The following USP34 variants were observed in gnomAD, a reference collection of about 807,000 sequenced individuals.
USP34 encodes the protein ubiquitin specific peptidase 34, also known as ubiquitin carboxyl-terminal hydrolase 34.
A neutral mutation model predicts 460.3 loss-of-function variants in USP34; 70 were observed. That is an observed-to-expected ratio of 0.15 (90% CI 0.13 to 0.19). USP34 has a LOEUF of 0.19. Ranked by LOEUF, USP34 falls within the 10% of genes least tolerant of loss-of-function variation. USP34 has a pLI of 1.00. For synonymous variants in USP34, 1,647 were observed against 1,405.3 expected (o/e 1.17, Z -3.85); for missense variants, 3,985 against 4,236.2 (o/e 0.94, Z 1.65).
intron 19 of USP34, among the ~76,000 whole-genome samples, chr2:61,333,132 G>A (rs1033505648): frequency 1.3e-5 from 2 of 151,998 alleles, no homozygotes; most frequent in African/African-American, 4.8e-5. Flanking sequence ...TGTATTGTTT[G>A]TGGTAGACAA....
chr2:61,429,280 T>C (rs967114232), intron 1 of USP34, among the ~76,000 whole-genome samples: 1 of 151,936 alleles, frequency 6.6e-6, no homozygotes, highest in Non-Finnish European at 1.5e-5. Context: ...ACCCCGTCTC[T>C]ACTAAAAATA....
In USP34 at chr2:61,284,953, A is replaced by T; in HGVS notation, c.4754T>A (p.Phe1585Tyr). 6.2e-7 allele frequency: 1 copy of T among 1,607,932 alleles called. No individual in the cohort carries two copies. The highest frequency in any genetic ancestry group is 8.5e-7 in the Non-Finnish European group (1 of 1,177,454). The change falls in exon 35 of 80, where the codon TTT (phenylalanine) becomes TAT (tyrosine). Residue 1585 changes from phenylalanine (F) to tyrosine (Y), a missense_variant. Around this residue, in one of 14 missense-constraint regions of USP34, gnomAD observed 1,114 missense variants for 1,122.5 expected, o/e 0.99. Transcript: ENST00000398571. The stretch of plus-strand genomic sequence containing the variant: ...ACTGGTTCCTTGGACAAGAACAAGA[A>T]ATACCTTTAAAACAAAAACATTTTA... ...GLHIPRLTEV[F>Y]LVLVQGTSLI...
intron 1 of USP34, among the ~76,000 whole-genome samples, chr2:61,434,095 A>C (rs958605599): frequency 2.6e-5 from 4 of 152,206 alleles, no homozygotes; most frequent in Admixed American, 1.3e-4. Context: ...CGCAAGCCAA[A>C]GAGCATGTGA....
chr2:61,428,061 A>G (rs1694561866), intron 1 of USP34, among the ~76,000 whole-genome samples: 1 of 150,866 alleles, frequency 6.6e-6, no homozygotes, highest in African/African-American at 2.4e-5. Flanking sequence ...GCTACTTGGG[A>G]GGCTGAGGCA....
At chr2:61,421,172 T>G (rs1694343232) in intron 1 of USP34, among the ~76,000 whole-genome samples, 1 of 152,176 alleles carries the variant, frequency 6.6e-6, no homozygotes, top group South Asian at 2.1e-4. Context: ...TGTTCTCCAG[T>G]GCCTATAGGG....
intron 35 of USP34, among the ~76,000 whole-genome samples, 157 bp from the exon 36 acceptor site, chr2:61,283,606 TGTGA>T (rs1689601672): frequency 6.6e-6 from 1 of 150,526 alleles, no homozygotes; most frequent in Non-Finnish European, 1.5e-5. Context: ...TGAGAGAGAG[TGTGA>T]GTGTGTGTGT....
At chr2:61,469,943 C>G (rs1053507029) in intron 1 of USP34, among the ~76,000 whole-genome samples, 42 of 152,116 alleles carry the variant, frequency 2.8e-4, no homozygotes, top group Non-Finnish European at 5.4e-4. Context: ...CCTTTCCTTC[C>G]AAGAGAGATA....
At chr2:61,462,245 GAA>G (rs1260341115) in intron 1 of USP34, among the ~76,000 whole-genome samples, 1 of 143,426 alleles carries the variant, frequency 7.0e-6, no homozygotes. Context: ...ATCTCAGGGG[GAA>G]AAAAAAAAAA....
At chr2:61,215,234 G>C (rs1377102640) in intron 67 of USP34, among the ~76,000 whole-genome samples, 1 of 152,108 alleles carries the variant, frequency 6.6e-6, no homozygotes, top group Non-Finnish European at 1.5e-5. Flanking sequence ...GCTAATTATA[G>C]AACATTAACT....
At chr2:61,295,338 CAAA>C (rs764704874) in intron 30 of USP34, 48 bp from the exon 31 acceptor site, 2 of 1,528,700 alleles carry the variant, frequency 1.3e-6, no homozygotes, top group South Asian at 2.6e-5. Flanking sequence ...TCAGGGAACA[CAAA>C]AAAGAAAAAC....
chr2:61,362,703 G>T (rs1375777211), intron 10 of USP34, among the ~76,000 whole-genome samples: 3 of 152,130 alleles, frequency 2.0e-5, no homozygotes, highest in Non-Finnish European at 4.4e-5. Context: ...GTAAATTCTG[G>T]AGATCTCATG....
At chr2:61,279,383 T>C (rs1289736750) in intron 39 of USP34, among the ~76,000 whole-genome samples, 2 of 152,220 alleles carry the variant, frequency 1.3e-5, no homozygotes, top group African/African-American at 2.4e-5. Context: ...TTCTTCTGAA[T>C]TGACAACTTA....
chr2:61,241,342 G>A (rs766496812), intron 53 of USP34, among the ~76,000 whole-genome samples: 2 of 151,916 alleles, frequency 1.3e-5, no homozygotes, highest in Non-Finnish European at 2.9e-5. Flanking sequence ...ACACCCAGTC[G>A]CCTACTCTCT....
At chr2:61,462,244 GGA>G (rs765089271) in intron 1 of USP34, among the ~76,000 whole-genome samples, 4 of 124,254 alleles carry the variant, frequency 3.2e-5, no homozygotes, top group Non-Finnish European at 3.4e-5. Flanking sequence ...CATCTCAGGG[GGA>G]AAAAAAAAAA....
rs1286147071 is a variant in USP34 at position 61,380,244 on chromosome 2, T to C, written c.939A>G (p.Glu313=). The stretch of plus-strand genomic sequence containing the variant: ...AGTACTTAAATGCAAGATCTAGGCT[T>C]TCTTTATCAAAGCATAATGTTGTAT... The part of the protein sequence containing the change: ...PLDTTLCFDK[E]SLDLAFKYFM... Residue 313 remains glutamate, a synonymous_variant, in exon 7 of 80, where the codon GAA becomes GAG. Coordinates refer to ENST00000398571, the MANE Select transcript of USP34 (RefSeq NM_014709.4). 6.2e-7 allele frequency: 1 copy of C among 1,614,048 alleles called. No individual in the cohort carries two copies. The highest frequency in any genetic ancestry group is 8.5e-7 in the Non-Finnish European group (1 of 1,180,022).
chr2:61,206,173 C>A, intron 71 of USP34, 49 bp from the exon 72 acceptor site: 1 of 1,485,242 alleles, frequency 6.7e-7, no homozygotes, highest in Non-Finnish European at 9.4e-7. Flanking sequence ...ATCAAACTTC[C>A]TCACAAATGT....
chr2:61,236,266 C>T, intron 54 of USP34, 30 bp from the exon 55 acceptor site: 2 of 1,598,470 alleles, frequency 1.3e-6, no homozygotes, highest in Admixed American at 1.8e-5. Flanking sequence ...ATTTAAAATT[C>T]ACACGTAAGA....
chr2:61,428,093 A>C (rs940059158), intron 1 of USP34, among the ~76,000 whole-genome samples: 17 of 150,224 alleles, frequency 1.1e-4, no homozygotes, highest in African/African-American at 3.9e-4. Flanking sequence ...TGAACCCGGG[A>C]GGCAGGGGTT....
At chr2:61,198,848 G>A (rs1265960373) in intron 75 of USP34, among the ~76,000 whole-genome samples, 3 of 152,122 alleles carry the variant, frequency 2.0e-5, no homozygotes, top group African/African-American at 4.8e-5. Flanking sequence ...CAGCCTGGGC[G>A]ACAGGGTGAC....
Sources: gnomAD v4.1 joint callset for allele counts (sites outside exome capture counted in the v4.1 genomes callset) on GRCh38, gnomAD v4.1.1 for gene constraint, gnomAD v4.1.1 regional missense constraint, MANE v1.5 for transcripts, NCBI Gene and HGNC (gene_info 2026-07-23, HGNC 2026-07-21) for gene names.